EFCAB6: variants seen among roughly 807,000 people sequenced by gnomAD.
EFCAB6 encodes the protein EF-hand calcium binding domain 6.
EFCAB6 carries 156 observed loss-of-function variants against 169.8 expected under a neutral mutation model. The ratio of observed to expected loss-of-function variants is 0.92; its 90% CI spans 0.81 to 1.05. The LOEUF (loss-of-function observed/expected upper bound fraction) is 1.05, where lower values mean the gene tolerates loss of function less well. EFCAB6 is among the 50% of genes least tolerant of loss of function. EFCAB6 has a pLI of 0.00. For missense variants in EFCAB6, 1,800 were observed against 1,829.1 expected, an observed-to-expected ratio of 0.98 and a Z score of 0.29; for synonymous variants, 698 against 676.4, an observed-to-expected ratio of 1.03 and a Z score of -0.50.
intron 2 of EFCAB6, among the ~76,000 whole-genome samples, chr22:43,784,718 C>CACAT (rs1256297031): frequency 3.5e-4 from 39 of 112,228 alleles, no homozygotes; most frequent in South Asian, 1.4e-3. Context: ...CACACACACA[C>CACAT]ATATATATAT....
At chr22:43,667,480 A>C (rs1292297088) in intron 16 of EFCAB6, among the ~76,000 whole-genome samples, 1 of 152,150 alleles carries the variant, frequency 6.6e-6, no homozygotes, top group Non-Finnish European at 1.5e-5. Context: ...TCCCCAGCAC[A>C]GTGTCCAAGT....
At chr22:43,740,561 G>A (rs572047451) in intron 6 of EFCAB6, among the ~76,000 whole-genome samples, 2 of 152,258 alleles carry the variant, frequency 1.3e-5, no homozygotes, top group African/African-American at 4.8e-5. Context: ...GCACAAACAC[G>A]AACTGAACGG....
chr22:43,598,980 C>T (rs772744328), intron 23 of EFCAB6, among the ~76,000 whole-genome samples: 10 of 152,240 alleles, frequency 6.6e-5, no homozygotes, highest in East Asian at 1.9e-4. Flanking sequence ...GAATCATGTA[C>T]GCTCCCACCA....
At chr22:43,614,974 C>T (rs1402895510) in intron 21 of EFCAB6, among the ~76,000 whole-genome samples, 1 of 152,176 alleles carries the variant, frequency 6.6e-6, no homozygotes, top group Non-Finnish European at 1.5e-5. Flanking sequence ...ACAGCACAGA[C>T]AGTCCACTCT....
intron 26 of EFCAB6, among the ~76,000 whole-genome samples, chr22:43,575,622 A>C (rs1174918320): frequency 6.6e-6 from 1 of 152,144 alleles, no homozygotes; most frequent in Non-Finnish European, 1.5e-5. Flanking sequence ...CACTTACATA[A>C]AGCTTAAAGG....
intron 24 of EFCAB6, among the ~76,000 whole-genome samples, chr22:43,586,674 C>G (rs964410880): frequency 6.6e-6 from 1 of 151,982 alleles, no homozygotes; most frequent in Non-Finnish European, 1.5e-5. Context: ...TGTTACCACT[C>G]AAAACTCTTC....
intron 26 of EFCAB6, among the ~76,000 whole-genome samples, chr22:43,560,983 T>C (rs555260067): frequency 4.6e-5 from 7 of 152,266 alleles, no homozygotes; most frequent in African/African-American, 1.4e-4. Context: ...TCAGCCTCCA[T>C]TGCATGGAGG....
At chr22:43,532,378 C>A (rs1051741860) in intron 30 of EFCAB6, among the ~76,000 whole-genome samples, 2 of 152,120 alleles carry the variant, frequency 1.3e-5, no homozygotes, top group Non-Finnish European at 2.9e-5. Context: ...AGCCCGTGCA[C>A]GTCCTAGCAA....
intron 2 of EFCAB6, among the ~76,000 whole-genome samples, chr22:43,784,868 CCT>C (rs2062021237): frequency 6.7e-6 from 1 of 149,300 alleles, no homozygotes; most frequent in African/African-American, 2.5e-5. Context: ...AGACTGAGAC[CCT>C]GTCTCTAAAT....
At chr22:43,627,607 CCTG>C (rs2054617513) in intron 19 of EFCAB6, among the ~76,000 whole-genome samples, 1 of 152,318 alleles carries the variant, frequency 6.6e-6, no homozygotes, top group Admixed American at 6.5e-5. Context: ...GGGGCCAATG[CCTG>C]TTTCCCACAT....
At chr22:43,551,212 A>G (rs953706270) in intron 27 of EFCAB6, among the ~76,000 whole-genome samples, 3 of 152,184 alleles carry the variant, frequency 2.0e-5, no homozygotes, top group African/African-American at 7.2e-5. Flanking sequence ...TTTGCCAGGA[A>G]ACTCGCCTTC....
At chr22:43,577,668 AAGG>A (rs1221765296) in intron 25 of EFCAB6, among the ~76,000 whole-genome samples, 1 of 152,144 alleles carries the variant, frequency 6.6e-6, no homozygotes, top group African/African-American at 2.4e-5. Context: ...CTCAAATGTT[AAGG>A]AGAACGATCA....
At chr22:43,601,678 T>C (rs550319517) in intron 22 of EFCAB6, among the ~76,000 whole-genome samples, 7 of 152,374 alleles carry the variant, frequency 4.6e-5, no homozygotes, top group South Asian at 4.1e-4. Flanking sequence ...AATGTTCTTA[T>C]TGACCACGTT....
intron 10 of EFCAB6, among the ~76,000 whole-genome samples, chr22:43,702,928 A>G (rs2058820212): frequency 6.6e-6 from 1 of 152,218 alleles, no homozygotes; most frequent in Non-Finnish European, 1.5e-5. Context: ...AGCAGAGGCT[A>G]GATATGCCAT....
intron 20 of EFCAB6, among the ~76,000 whole-genome samples, chr22:43,624,602 C>T (rs1207066855): frequency 6.6e-6 from 1 of 152,198 alleles, no homozygotes; most frequent in Non-Finnish European, 1.5e-5. Flanking sequence ...CAAACTCTTA[C>T]TCAAACTTCA....
At chr22:43,791,045 T>G (rs751191689) in intron 2 of EFCAB6, among the ~76,000 whole-genome samples, 2 of 152,188 alleles carry the variant, frequency 1.3e-5, no homozygotes, top group African/African-American at 2.4e-5. Flanking sequence ...TCCAAGTAGA[T>G]ATACTGAATA....
At chr22:43,555,505 C>A (rs144357580) in intron 26 of EFCAB6, among the ~76,000 whole-genome samples, 285 of 152,352 alleles carry the variant, frequency 1.9e-3, no homozygotes, top group Non-Finnish European at 3.0e-3. Flanking sequence ...CACATGCTTT[C>A]ATTTCAGGAT....
At chr22:43,611,587 A>G (rs2053304884) in intron 21 of EFCAB6, among the ~76,000 whole-genome samples, 1 of 152,146 alleles carries the variant, frequency 6.6e-6, no homozygotes, top group South Asian at 2.1e-4. Flanking sequence ...GCTTGAGCCC[A>G]GGAGTTCAAG....
At chr22:43,653,444 A>G (rs1275613713) in intron 17 of EFCAB6, among the ~76,000 whole-genome samples, 2 of 152,254 alleles carry the variant, frequency 1.3e-5, no homozygotes, top group Non-Finnish European at 2.9e-5. Context: ...TTGCCAACCT[A>G]GAATGTTTTT....
Sources: gnomAD v4.1 joint callset for allele counts (sites outside exome capture counted in the v4.1 genomes callset) on GRCh38, gnomAD v4.1.1 for gene constraint, MANE v1.5 for transcripts, NCBI Gene and HGNC (gene_info 2026-07-23, HGNC 2026-07-21) for gene names.